Variants in MACROD2 observed in about 807,000 individuals in gnomAD.
MACROD2 encodes the protein mono-ADP ribosylhydrolase 2.
Under a neutral mutation model 70.4 loss-of-function variants are expected in MACROD2, and 36 were observed. That is an observed-to-expected ratio of 0.51 (90% CI 0.39 to 0.68). MACROD2 has a LOEUF of 0.68. Ranked by LOEUF, MACROD2 falls within the 30% of genes least tolerant of loss-of-function variation. MACROD2 has a pLI of 0.00. For synonymous variants in MACROD2, 172 were observed against 178.8 expected, an observed-to-expected ratio of 0.96 and a Z score of 0.30; for missense variants, 496 against 538.4, an observed-to-expected ratio of 0.92 and a Z score of 0.78.
intron 5 of MACROD2, among the ~76,000 whole-genome samples, chr20:15,133,331 A>T (rs1409284237): frequency 2.0e-5 from 3 of 152,126 alleles, no homozygotes; most frequent in Admixed American, 2.0e-4. Flanking sequence ...TTTAAATCTC[A>T]TAGACAAAAA....
At chr20:14,887,351 T>C (rs1034891286) in intron 5 of MACROD2, among the ~76,000 whole-genome samples, 1 of 151,792 alleles carries the variant, frequency 6.6e-6, no homozygotes, top group African/African-American at 2.4e-5. Context: ...ATATATTAGA[T>C]AGAAAAATAT....
Position 14,837,607 on chromosome 20 carries a change from C to T in MACROD2, c.418+152648C>T, listed in dbSNP as rs143114636. Among the ~76,000 whole-genome samples, 1,121 of 152,080 alleles carry T rather than the reference C, an allele frequency of 7.4e-3. 14 individuals are homozygous for T. The highest frequency in any genetic ancestry group is 0.012 in the Non-Finnish European group (842 of 67,924). ...AAATCAGGTGTCTGAGATGGTACTA[C>T]AACAGGCTACTTGAGATAAGAGTGA... On this transcript the variant is annotated intron_variant, in intron 5 of 17. Transcript: ENST00000684519.
Position 14,050,067 on chromosome 20 carries a change from C to T in MACROD2, c.164-35554C>T, listed in dbSNP as rs1382669152. Among the ~76,000 whole-genome samples, 78 of 139,670 alleles carry T rather than the reference C, an allele frequency of 5.6e-4. 1 individual carries two copies. Among genetic ancestry groups the T allele is most frequent in the African/African-American group, 1.9e-3 (72 of 37,604 alleles). The allele number at this position is 139,670 out of a possible 152,430, so 91.6% of individuals were successfully genotyped here. A position where few individuals can be genotyped will look rare whatever the true frequency, so the allele number is the denominator to read the frequency against. ...CACCATTGCACTCCAGCCTGGGCAA[C>T]AAGAGTGAAACTCCCATCTCAAAAA... On this transcript the variant is annotated intron_variant, in intron 2 of 17. Transcript: ENST00000684519.
chr20:14,828,339 C>A (rs1257844767), intron 5 of MACROD2, among the ~76,000 whole-genome samples: 1 of 152,132 alleles, frequency 6.6e-6, no homozygotes, highest in African/African-American at 2.4e-5. Flanking sequence ...AAAGGTTATG[C>A]ATGCTAAATA....
chr20:14,260,958 T>C (rs2082096655), intron 3 of MACROD2, among the ~76,000 whole-genome samples: 1 of 152,178 alleles, frequency 6.6e-6, no homozygotes, highest in African/African-American at 2.4e-5. Flanking sequence ...TTTCCTTCAA[T>C]GGCTTAAGAG....
intron 3 of MACROD2, among the ~76,000 whole-genome samples, chr20:14,176,703 T>G (rs1261493709): frequency 6.6e-6 from 1 of 152,196 alleles, no homozygotes; most frequent in East Asian, 1.9e-4. Context: ...AATATCTCTT[T>G]GAATATAAGA....
intron 6 of MACROD2, among the ~76,000 whole-genome samples, chr20:15,250,666 G>A (rs976278686): frequency 1.3e-5 from 2 of 152,150 alleles, no homozygotes; most frequent in African/African-American, 4.8e-5. Context: ...CATCCTCTGT[G>A]TTTAGGGGGA....
At chr20:14,464,939 A>G (rs2084422993) in intron 3 of MACROD2, among the ~76,000 whole-genome samples, 2 of 152,034 alleles carry the variant, frequency 1.3e-5, no homozygotes, top group African/African-American at 4.8e-5. Flanking sequence ...TTTGCTGAGG[A>G]GAGCTTTACT....
At chr20:15,374,264 C>T (rs2045532197) in intron 6 of MACROD2, among the ~76,000 whole-genome samples, 1 of 150,820 alleles carries the variant, frequency 6.6e-6, no homozygotes, top group Non-Finnish European at 1.5e-5. Context: ...TAATACAATC[C>T]CTTATATATA....
intron 5 of MACROD2, among the ~76,000 whole-genome samples, chr20:15,168,216 A>T (rs1323171328): frequency 6.6e-6 from 1 of 152,170 alleles, no homozygotes; most frequent in Non-Finnish European, 1.5e-5. Context: ...TGGGCTAAAA[A>T]TCAAGAGATT....
chr20:14,321,738 C>T (rs1406425859), intron 3 of MACROD2, among the ~76,000 whole-genome samples: 1 of 152,080 alleles, frequency 6.6e-6, no homozygotes, highest in Non-Finnish European at 1.5e-5. Context: ...ATGCATTAAT[C>T]AGAAACTGTA....
intron 5 of MACROD2, among the ~76,000 whole-genome samples, chr20:15,003,728 T>C (rs1377054888): frequency 6.6e-6 from 1 of 152,156 alleles, no homozygotes; most frequent in Non-Finnish European, 1.5e-5. Flanking sequence ...ATAAAGCTAA[T>C]GTAAGGCTAC....
intron 5 of MACROD2, among the ~76,000 whole-genome samples, chr20:14,871,174 A>T (rs780001687): frequency 1.7e-4 from 26 of 152,132 alleles, no homozygotes; most frequent in Non-Finnish European, 3.4e-4. Context: ...AACCCCAGTA[A>T]GATACTTCAC....
In MACROD2 at chr20:15,416,676, A is replaced by G. The variant is rs553468006; in HGVS notation, c.541-14729A>G. On this transcript the variant is annotated intron_variant, in intron 6 of 17. Coordinates refer to ENST00000684519, the MANE Select transcript of MACROD2 (RefSeq NM_001351661.2). ...TCCCAGCACTTTGGGAGGCCGAGGCAGTCGGATCACGAGGTCAGGAGATCG... is the reference window on the plus strand; with the variant it reads ...TCCCAGCACTTTGGGAGGCCGAGGCGGTCGGATCACGAGGTCAGGAGATCG... 1.8e-3 allele frequency among the ~76,000 whole-genome samples: 276 copies of G among 152,220 alleles called. 1 individual carries two copies. The highest frequency in any genetic ancestry group is 6.8e-3 in the Middle Eastern group (2 of 294).
chr20:14,880,412 G>A (rs2073597884), intron 5 of MACROD2, among the ~76,000 whole-genome samples: 1 of 152,204 alleles, frequency 6.6e-6, no homozygotes, highest in Non-Finnish European at 1.5e-5. Context: ...TAGGAGGAGA[G>A]TGATCACTGC....
At chr20:15,900,500 C>A (rs975672327) in intron 10 of MACROD2, among the ~76,000 whole-genome samples, 1 of 152,102 alleles carries the variant, frequency 6.6e-6, no homozygotes, top group Non-Finnish European at 1.5e-5. Flanking sequence ...CTGGTGCTCC[C>A]CATGCTTACC....
intron 4 of MACROD2, among the ~76,000 whole-genome samples, chr20:14,650,413 T>A (rs2123509066): frequency 6.6e-6 from 1 of 152,370 alleles, no homozygotes; most frequent in Non-Finnish European, 1.5e-5. Context: ...ACAACTTTAG[T>A]AATTATCTCC....
intron 8 of MACROD2, among the ~76,000 whole-genome samples, chr20:15,785,285 A>G (rs1877563919): frequency 6.6e-6 from 1 of 152,228 alleles, no homozygotes; most frequent in Admixed American, 6.5e-5. Flanking sequence ...AAACAAAACA[A>G]AAAAACACAG....
At chr20:16,030,325 A>T (rs907245724) in intron 15 of MACROD2, among the ~76,000 whole-genome samples, 1 of 152,204 alleles carries the variant, frequency 6.6e-6, no homozygotes, top group Non-Finnish European at 1.5e-5. Flanking sequence ...ACCCCTCCCA[A>T]GGAAAACCTC....
Sources: gnomAD v4.1 joint callset for allele counts (sites outside exome capture counted in the v4.1 genomes callset) on GRCh38, gnomAD v4.1.1 for gene constraint, MANE v1.5 for transcripts, NCBI Gene and HGNC (gene_info 2026-07-23, HGNC 2026-07-21) for gene names.